Variants in ADIPOR2 observed in about 807,000 individuals in gnomAD.
The protein encoded by ADIPOR2 is adiponectin receptor 2, also known as adiponectin receptor protein 2.
A neutral mutation model predicts 40.9 loss-of-function variants in ADIPOR2; 18 were observed. The ratio of observed to expected loss-of-function variants is 0.44; its 90% CI spans 0.30 to 0.65. ADIPOR2 has a LOEUF of 0.65. Among genes scored for constraint, ADIPOR2 ranks in the 30% least tolerant of loss-of-function variants. The pLI, the probability that ADIPOR2 is intolerant of heterozygous loss-of-function variation, is 0.09. For missense variants in ADIPOR2, 283 were observed against 479.2 expected (o/e 0.59, Z 3.82); for synonymous variants, 165 against 166.4 (o/e 0.99, Z 0.06).
chr12:1,748,489 CTG>C (rs1167541025), intron 1 of ADIPOR2, among the ~76,000 whole-genome samples: 4 of 152,084 alleles, frequency 2.6e-5, no homozygotes, highest in African/African-American at 9.7e-5. Context: ...ACCTTGTGAT[CTG>C]CCCACCTCGG....
chr12:1,761,635 A>G (rs1170831883), intron 2 of ADIPOR2, among the ~76,000 whole-genome samples: 1 of 152,238 alleles, frequency 6.6e-6, no homozygotes, highest in Non-Finnish European at 1.5e-5. Context: ...ACTTTAGCTC[A>G]GGATTTTAAG....
chr12:1,754,279 G>T lies in ADIPOR2; in HGVS notation c.-65G>T. The T allele has an allele frequency of 7.0e-7, 1 of 1,430,286 alleles. No individual in the cohort carries two copies. The allele number at this position is 1,430,286 out of a possible 1,614,324, so 88.6% of individuals were successfully genotyped here. ...TTAGGATCAACTCACTATCCTGAAG[G>T]TCCATTCTCCCAAGAAGAGGGGACA... On this transcript the variant is annotated 5_prime_UTR_variant, in exon 2 of 8. Transcript: ENST00000357103.
Position 1,772,925 on chromosome 12 carries a change from T to C in ADIPOR2, c.255T>C (p.His85=). 1.2e-6 allele frequency: 2 copies of C among 1,613,732 alleles called. No individual in the cohort carries two copies. The highest frequency in any genetic ancestry group is 2.2e-5 in the South Asian group (2 of 90,914). Residue 85 remains histidine (H), a synonymous_variant, in exon 3 of 8, where the codon CAT becomes CAC. Coordinates refer to ENST00000357103, the MANE Select transcript of ADIPOR2 (RefSeq NM_024551.3). The stretch of plus-strand genomic sequence containing the variant: ...GCATGTCCCCTCTCTTACAAGCCCA[T>C]CATGCTATGGAAAAAATGGAAGAAT... The part of the protein sequence containing the change: ...FMGMSPLLQA[H]HAMEKMEEFV...
At chr12:1,749,973 C>T (rs1592609901) in intron 1 of ADIPOR2, among the ~76,000 whole-genome samples, 1 of 151,316 alleles carries the variant, frequency 6.6e-6, no homozygotes, top group Non-Finnish European at 1.5e-5. Flanking sequence ...AGTACCTAGA[C>T]TACACAGGTG....
intron 1 of ADIPOR2, among the ~76,000 whole-genome samples, chr12:1,712,751 G>A (rs775351012): frequency 4.0e-4 from 61 of 151,974 alleles, no homozygotes; most frequent in East Asian, 1.9e-4. Context: ...ATCTGTAGTC[G>A]GCAAAAGCTG....
Position 1,754,392 on chromosome 12 carries a change from C to A in ADIPOR2, c.49C>A (p.Pro17Thr). The A allele has an allele frequency of 1.2e-6, 2 of 1,612,588 alleles. No individual in the cohort carries two copies. The highest frequency in any genetic ancestry group is 1.7e-6 in the Non-Finnish European group (2 of 1,179,336). The change falls in exon 2 of 8, where the codon CCA becomes ACA. Residue 17 changes from proline (P) to threonine (T), a missense_variant. By Grantham distance (38) the Pro-to-Thr change is conservative. Transcript: ENST00000357103. ...NRLGCSRTPEPDIRLRKGHQL... is the reference protein window; with the variant it reads ...NRLGCSRTPETDIRLRKGHQL... ...ATTGGGGTGCAGCAGGACTCCAGAG[C>A]CAGATATAAGGCTCAGAAAAGGGCA...
intron 1 of ADIPOR2, among the ~76,000 whole-genome samples, chr12:1,714,831 A>G (rs1430971638): frequency 2.6e-5 from 4 of 152,136 alleles, no homozygotes; most frequent in Admixed American, 6.5e-5. Context: ...TAACAATAGC[A>G]TGACATCTCT....
chr12:1,771,393 A>G (rs1375445377), intron 2 of ADIPOR2, among the ~76,000 whole-genome samples: 3 of 142,886 alleles, frequency 2.1e-5, no homozygotes, highest in Non-Finnish European at 3.1e-5. Flanking sequence ...GTCTCAAACT[A>G]AAAAAAAAAA....
chr12:1,761,514 CACTA>C (rs1384668336), intron 2 of ADIPOR2, among the ~76,000 whole-genome samples: 1 of 152,200 alleles, frequency 6.6e-6, no homozygotes, highest in Non-Finnish European at 1.5e-5. Flanking sequence ...TCCACACCCA[CACTA>C]ACTATTGTTA....
Position 1,739,228 on chromosome 12 carries a change from G to A in ADIPOR2, c.-86-15030G>A, listed in dbSNP as rs146703296. 5.5e-4 allele frequency among the ~76,000 whole-genome samples: 83 copies of A among 152,260 alleles called. 1 individual carries two copies. Among genetic ancestry groups the A allele is most frequent in the Admixed American group, 1.0e-3 (16 of 15,290 alleles). ...CTGCTCTCTGCCTTTATGTCTTTGCGTGTAGTCTAATGGGAGACACAAGTA... is the reference window on the plus strand; with the variant it reads ...CTGCTCTCTGCCTTTATGTCTTTGCATGTAGTCTAATGGGAGACACAAGTA... On this transcript the variant is annotated intron_variant, in intron 1 of 7. Transcript: ENST00000357103.
chr12:1,707,564 A>G (rs2154441635), intron 1 of ADIPOR2, among the ~76,000 whole-genome samples: 1 of 152,250 alleles, frequency 6.6e-6, no homozygotes, highest in South Asian at 2.1e-4. Context: ...TCCCAGGCTC[A>G]AGGAATCTTT....
intron 4 of ADIPOR2, 25 bp from the exon 5 acceptor site, chr12:1,780,426 C>G (rs1862691308): frequency 1.3e-6 from 2 of 1,567,904 alleles, no homozygotes; most frequent in African/African-American, 2.8e-5. Flanking sequence ...GATATTTTAT[C>G]TATTTTCTGT....
At chr12:1,728,110 G>A (rs1328289444) in intron 1 of ADIPOR2, among the ~76,000 whole-genome samples, 1 of 151,322 alleles carries the variant, frequency 6.6e-6, no homozygotes, top group African/African-American at 2.4e-5. Context: ...TTCTGTTTGT[G>A]TTAGATTTTT....
At chr12:1,728,202 T>C (rs1225047063) in intron 1 of ADIPOR2, among the ~76,000 whole-genome samples, 1 of 151,636 alleles carries the variant, frequency 6.6e-6, no homozygotes, top group Non-Finnish European at 1.5e-5. Flanking sequence ...AACTTCCGCC[T>C]CCCGGTTTCA....
intron 1 of ADIPOR2, among the ~76,000 whole-genome samples, chr12:1,753,713 A>G (rs1050104413): frequency 6.6e-6 from 1 of 152,226 alleles, no homozygotes; most frequent in Non-Finnish European, 1.5e-5. Flanking sequence ...ACTAGAAATA[A>G]AAATACCCTG....
intron 6 of ADIPOR2, among the ~76,000 whole-genome samples, chr12:1,782,976 C>CTTTTTTTTTTT (rs71055199): frequency 8.2e-5 from 9 of 109,754 alleles, no homozygotes; most frequent in South Asian, 3.1e-4. Flanking sequence ...TTCTTTCTTT[C>CTTTTTTTTTTT]TTTTTTTTTT....
intron 1 of ADIPOR2, among the ~76,000 whole-genome samples, chr12:1,732,113 T>C (rs927165310): frequency 2.6e-5 from 4 of 152,242 alleles, no homozygotes; most frequent in African/African-American, 9.6e-5. Context: ...AGTTTCCCGT[T>C]ACTAACATCT....
chr12:1,700,619 G>C (rs905141722), intron 1 of ADIPOR2, among the ~76,000 whole-genome samples: 19 of 152,144 alleles, frequency 1.2e-4, no homozygotes, highest in Admixed American at 1.2e-3. Context: ...AATTGGGTTT[G>C]AGTTTGCTTG....
intron 1 of ADIPOR2, among the ~76,000 whole-genome samples, chr12:1,699,535 C>T (rs1211188063): frequency 6.6e-6 from 1 of 152,214 alleles, no homozygotes; most frequent in Admixed American, 6.5e-5. Flanking sequence ...CCTGTAATCC[C>T]TGCTACTTGG....
Sources: allele counts gnomAD v4.1 joint callset (sites outside exome capture counted in the v4.1 genomes callset), GRCh38; gene constraint gnomAD v4.1.1; transcripts MANE v1.5; gene names NCBI Gene and HGNC (gene_info 2026-07-23, HGNC 2026-07-21).